KLHL14: variants seen among roughly 807,000 people sequenced by gnomAD.
KLHL14 encodes the protein kelch-like protein 14.
In KLHL14, 22 loss-of-function variants were observed where a neutral mutation model predicts 64.3. The observed-to-expected ratio is 0.34, with a 90% CI of 0.24 to 0.49. The LOEUF is 0.49. Among genes scored for constraint, KLHL14 ranks in the 20% least tolerant of loss-of-function variants. The probability of loss-of-function intolerance (pLI) is 0.99; values close to 1 mark genes in which losing one functional copy is unlikely to be tolerated. For missense variants in KLHL14, 661 were observed against 789.0 expected (o/e 0.84, Z 1.94); for synonymous variants, 322 against 333.4 (o/e 0.97, Z 0.37).
At chr18:32,740,235 C>G (rs1432892842) in intron 3 of KLHL14, among the ~76,000 whole-genome samples, 2 of 152,138 alleles carry the variant, frequency 1.3e-5, no homozygotes, top group Non-Finnish European at 2.9e-5. Flanking sequence ...AATAGATTCC[C>G]CTTTCATGCT....
At chr18:32,707,198 C>A (rs1410676796) in intron 3 of KLHL14, among the ~76,000 whole-genome samples, 2 of 152,248 alleles carry the variant, frequency 1.3e-5, no homozygotes, top group Admixed American at 6.5e-5. Flanking sequence ...ACCAGAGAAA[C>A]TCAGCTCTAT....
chr18:32,692,431 G>C (rs1183793285), intron 4 of KLHL14, among the ~76,000 whole-genome samples: 1 of 152,116 alleles, frequency 6.6e-6, no homozygotes, highest in Non-Finnish European at 1.5e-5. Context: ...CTCCCTGCCA[G>C]CAATGATATT....
chr18:32,769,372 A>C (rs1387196254), intron 2 of KLHL14, among the ~76,000 whole-genome samples: 1 of 152,170 alleles, frequency 6.6e-6, no homozygotes, highest in East Asian at 1.9e-4. Context: ...TTTCAGTCTG[A>C]GTCCACAATT....
At chr18:32,759,596 G>C (rs2050303159) in intron 2 of KLHL14, among the ~76,000 whole-genome samples, 1 of 152,132 alleles carries the variant, frequency 6.6e-6, no homozygotes, top group African/African-American at 2.4e-5. Context: ...AGGAGAAGCA[G>C]CTTGTAAGTG....
chr18:32,761,230 G>A (rs2050312090), intron 2 of KLHL14, among the ~76,000 whole-genome samples: 1 of 152,102 alleles, frequency 6.6e-6, no homozygotes, highest in African/African-American at 2.4e-5. Flanking sequence ...TTCAAAGGCA[G>A]CAGTGTTTCC....
chr18:32,709,550 G>T (rs1429542700), intron 3 of KLHL14, among the ~76,000 whole-genome samples: 4 of 152,034 alleles, frequency 2.6e-5, no homozygotes, highest in South Asian at 4.1e-4. Context: ...TGGGCACAAG[G>T]GATCCTCCCC....
At chr18:32,757,531 G>A (rs747814865) in intron 2 of KLHL14, among the ~76,000 whole-genome samples, 8 of 152,056 alleles carry the variant, frequency 5.3e-5, no homozygotes, top group Non-Finnish European at 8.8e-5. Flanking sequence ...TTGACATGCA[G>A]TACTTCTTCT....
At chr18:32,759,975 T>G (rs1265495482) in intron 2 of KLHL14, among the ~76,000 whole-genome samples, 2 of 152,200 alleles carry the variant, frequency 1.3e-5, no homozygotes, top group African/African-American at 4.8e-5. Flanking sequence ...TAAAGTGTTT[T>G]CTTCAAAGTT....
chr18:32,770,884 T>C lies in KLHL14; in HGVS notation c.-43-250A>G. On this transcript the variant is annotated intron_variant, in intron 1 of 8. Coordinates refer to ENST00000359358, the MANE Select transcript of KLHL14 (RefSeq NM_020805.3). The surrounding 1 kb of genome is among the most constrained non-coding windows in gnomAD (Gnocchi z 6.7). ...CGCCGGTTCTGCGCCCTGCGGCTCC[T>C]CTCGCCACCTCCCACACACTTCGTC... 2.1e-6 allele frequency: 1 copy of C among 467,822 alleles called. No individual in the cohort carries two copies. The highest frequency in any genetic ancestry group is 3.0e-4 in the Middle Eastern group (1 of 3,368). 29.0% of individuals were successfully genotyped at this position (467,822 alleles called of 1,614,324 possible).
chr18:32,713,846 G>A (rs1178098623), intron 3 of KLHL14, among the ~76,000 whole-genome samples: 1 of 151,978 alleles, frequency 6.6e-6, no homozygotes, highest in Non-Finnish European at 1.5e-5. Context: ...TGTTTTTGCT[G>A]TTATAAACAA....
At chr18:32,767,041 CTT>C (rs1287492909) in intron 2 of KLHL14, among the ~76,000 whole-genome samples, 2 of 152,036 alleles carry the variant, frequency 1.3e-5, no homozygotes, top group African/African-American at 2.4e-5. Flanking sequence ...TTAAGAAACT[CTT>C]TTATATTTAG....
intron 3 of KLHL14, chr18:32,737,782 T>G (rs1326184525): frequency 6.6e-6 from 1 of 151,964 alleles, no homozygotes; most frequent in Non-Finnish European, 1.5e-5. Flanking sequence ...CACTAGAAAA[T>G]TCCCAAATCC....
At chr18:32,767,866 T>C (rs2050354819) in intron 2 of KLHL14, among the ~76,000 whole-genome samples, 1 of 152,250 alleles carries the variant, frequency 6.6e-6, no homozygotes, top group African/African-American at 2.4e-5. Context: ...TTTCTGAATT[T>C]ATACCGTGTT....
chr18:32,711,935 A>C (rs530590709), intron 3 of KLHL14, among the ~76,000 whole-genome samples: 11 of 152,380 alleles, frequency 7.2e-5, no homozygotes, highest in African/African-American at 2.4e-4. Context: ...CTATGTGAAT[A>C]AGCCTCATTT....
At chr18:32,719,109 TG>T (rs1190209955) in intron 3 of KLHL14, among the ~76,000 whole-genome samples, 1 of 152,132 alleles carries the variant, frequency 6.6e-6, no homozygotes, top group Non-Finnish European at 1.5e-5. Flanking sequence ...CCACCACACC[TG>T]GGTAATTTTG....
chr18:32,772,310 C>T, intron 1 of KLHL14: 1 of 318,722 alleles, frequency 3.1e-6, no homozygotes, highest in Non-Finnish European at 6.7e-6. Flanking sequence ...CTCCCTCGCG[C>T]TCCCTCCGCC....
chr18:32,703,883 A>G (rs1428881799), intron 3 of KLHL14, among the ~76,000 whole-genome samples: 2 of 152,116 alleles, frequency 1.3e-5, no homozygotes, highest in South Asian at 4.1e-4. Context: ...GAAAGCTGCC[A>G]TCTCTTTCAA....
intron 4 of KLHL14, among the ~76,000 whole-genome samples, chr18:32,689,498 AACCGG>A (rs572614865): frequency 1.3e-5 from 2 of 152,292 alleles, no homozygotes; most frequent in South Asian, 4.1e-4. Flanking sequence ...TGCTTCAGTG[AACCGG>A]AGGGGATGAA....
chr18:32,685,300 G>T (rs2049871501), intron 5 of KLHL14, among the ~76,000 whole-genome samples: 1 of 152,126 alleles, frequency 6.6e-6, no homozygotes, highest in Non-Finnish European at 1.5e-5. Flanking sequence ...ATTAGGTTTT[G>T]CAGCAATACT....
Sources: gnomAD v4.1 joint callset for allele counts (sites outside exome capture counted in the v4.1 genomes callset) on GRCh38, gnomAD v4.1.1 for gene constraint, Gnocchi (gnomAD v3.1) non-coding constraint, MANE v1.5 for transcripts, NCBI Gene and HGNC (gene_info 2026-07-23, HGNC 2026-07-21) for gene names.